NTM: variants seen among roughly 807,000 people sequenced by gnomAD.
NTM encodes neurotrimin.
Under a neutral mutation model 42.1 loss-of-function variants are expected in NTM, and 13 were observed. The ratio of observed to expected loss-of-function variants is 0.31; its 90% CI spans 0.20 to 0.49. The LOEUF is 0.49. Ranked by LOEUF, NTM falls within the 20% of genes least tolerant of loss-of-function variation. The pLI, the probability that NTM is intolerant of heterozygous loss-of-function variation, is 0.99. For missense variants in NTM, 373 were observed against 452.8 expected, an observed-to-expected ratio of 0.82 and a Z score of 1.60; for synonymous variants, 187 against 179.2, an observed-to-expected ratio of 1.04 and a Z score of -0.35.
chr11:131,784,268 C>T (rs2088721451), intron 1 of NTM, among the ~76,000 whole-genome samples: 2 of 152,046 alleles, frequency 1.3e-5, no homozygotes, highest in Non-Finnish European at 2.9e-5. Flanking sequence ...TAACATATGA[C>T]CTAGTAATCT....
chr11:131,561,887 G>A (rs568293923), intron 1 of NTM, among the ~76,000 whole-genome samples: 1 of 152,256 alleles, frequency 6.6e-6, no homozygotes, highest in Admixed American at 6.5e-5. Context: ...TTGGAAGATT[G>A]ATAACATGTC....
chr11:131,981,325 A>G (rs1456049550), intron 2 of NTM: 1 of 152,114 alleles, frequency 6.6e-6, no homozygotes, highest in African/African-American at 2.4e-5. Flanking sequence ...TTTTCCACCT[A>G]AGAGCTCCAA....
At chr11:132,153,270 T>G (rs988090451) in intron 3 of NTM, among the ~76,000 whole-genome samples, 1 of 152,210 alleles carries the variant, frequency 6.6e-6, no homozygotes, top group African/African-American at 2.4e-5. Context: ...GTCATTTATT[T>G]TGGGGAAAGG....
intron 1 of NTM, among the ~76,000 whole-genome samples, chr11:131,511,970 C>T (rs2048309716): frequency 6.6e-6 from 1 of 152,194 alleles, no homozygotes; most frequent in Non-Finnish European, 1.5e-5. Flanking sequence ...AATTTCCAGC[C>T]ATAGTGAAGC....
intron 3 of NTM, among the ~76,000 whole-genome samples, chr11:132,199,588 CTGAG>C (rs1420070065): frequency 6.6e-6 from 1 of 152,118 alleles, no homozygotes; most frequent in Non-Finnish European, 1.5e-5. Flanking sequence ...AAATTCCTTC[CTGAG>C]TGATACCGGG....
chr11:131,734,746 A>G (rs1231857872), intron 1 of NTM, among the ~76,000 whole-genome samples: 4 of 152,208 alleles, frequency 2.6e-5, no homozygotes, highest in Non-Finnish European at 5.9e-5. Context: ...TTAATAAACT[A>G]AATAACTATA....
intron 1 of NTM, among the ~76,000 whole-genome samples, chr11:131,747,119 T>G (rs2135649320): frequency 6.6e-6 from 1 of 152,324 alleles, no homozygotes; most frequent in Admixed American, 6.5e-5. Flanking sequence ...AGCAATTTAT[T>G]TTTTATACTA....
intron 1 of NTM, among the ~76,000 whole-genome samples, chr11:131,704,229 G>A (rs1030988578): frequency 6.6e-6 from 1 of 152,182 alleles, no homozygotes; most frequent in Non-Finnish European, 1.5e-5. Context: ...CCAGTGCCAG[G>A]CCAGCTCCTG....
At chr11:132,040,080 T>C (rs1345646909) in intron 2 of NTM, among the ~76,000 whole-genome samples, 1 of 146,706 alleles carries the variant, frequency 6.8e-6, no homozygotes. Context: ...AGATGCATGC[T>C]ACCACGTCCA....
At chr11:131,698,645 G>A (rs184035118) in intron 1 of NTM, among the ~76,000 whole-genome samples, 3 of 152,288 alleles carry the variant, frequency 2.0e-5, no homozygotes, top group African/African-American at 2.4e-5. Flanking sequence ...GGAGGAGAAG[G>A]ATAAGGAGTT....
chr11:131,784,823 C>T (rs1322266959), intron 1 of NTM, among the ~76,000 whole-genome samples: 1 of 152,106 alleles, frequency 6.6e-6, no homozygotes, highest in Non-Finnish European at 1.5e-5. Context: ...ATCTTTTTAG[C>T]TTTTTCCATA....
chr11:131,562,709 T>C (rs964786365), intron 1 of NTM, among the ~76,000 whole-genome samples: 25 of 152,218 alleles, frequency 1.6e-4, no homozygotes, highest in Non-Finnish European at 1.2e-4. Flanking sequence ...AGAGGTTAGA[T>C]ATGCATAAGT....
At position 131,768,279 on chromosome 11, in the gene NTM, C is replaced by T. The variant is rs190659240; in HGVS notation, c.83-143285C>T. Among the ~76,000 whole-genome samples the T allele has an allele frequency of 3.9e-5, 6 of 152,034 alleles. No individual in the cohort carries two copies. In the East Asian group the frequency reaches 7.8e-4, roughly 20 times the overall value. On this transcript the variant is annotated intron_variant, in intron 1 of 8. Transcript: ENST00000683400. The stretch of plus-strand genomic sequence containing the variant: ...GATTATAGGCATGCGCCACCATGCC[C>T]GGCTAATTTTGTATTTTTAGTACAG...
intron 4 of NTM, among the ~76,000 whole-genome samples, chr11:132,271,507 T>A (rs904369812): frequency 3.3e-5 from 5 of 152,182 alleles, no homozygotes; most frequent in Admixed American, 3.3e-4. Context: ...TTGTACATTC[T>A]CACTTTAGCA....
At position 132,163,622 on chromosome 11, in the gene NTM, TGACTC is replaced by T. The variant is rs545602750; in HGVS notation, c.400+17109_400+17113del. 1.2e-3 allele frequency among the ~76,000 whole-genome samples: 177 copies of T among 152,350 alleles called. 1 individual carries two copies. Among genetic ancestry groups the T allele is most frequent in the Non-Finnish European group, 1.9e-3 (127 of 68,038 alleles). Reference sequence around the variant, plus strand: ...AGCCAGAGTTTGAATTCAGAAAGTCTGACTCTTCACAGCCTCCCTCAAACACTAAG... The same window carrying T: ...AGCCAGAGTTTGAATTCAGAAAGTCTTTCACAGCCTCCCTCAAACACTAAG... On this transcript the variant is annotated intron_variant, in intron 3 of 8. Coordinates refer to ENST00000683400, the MANE Select transcript of NTM (RefSeq NM_001352005.2).
chr11:132,146,267 T>C lies in NTM; in HGVS notation c.168-15T>C. On this transcript the variant is annotated splice_polypyrimidine_tract_variant and intron_variant, in intron 2 of 8. Coordinates refer to ENST00000683400, the MANE Select transcript of NTM (RefSeq NM_001352005.2). This position sits in a 1 kb window ranked among gnomAD's most constrained non-coding sequence, Gnocchi z 4.5. ...CTCTCAGTCCCTTGACGTACCTGTC[T>C]GGTCTTCCCTTCAGGTGCACTATTG... 1.2e-6 allele frequency: 2 copies of C among 1,614,022 alleles called. No homozygotes were observed. The highest frequency in any genetic ancestry group is 1.1e-5 in the South Asian group (1 of 91,056).
intron 1 of NTM, among the ~76,000 whole-genome samples, chr11:131,417,390 T>C (rs1487389910): frequency 6.6e-6 from 1 of 152,178 alleles, no homozygotes; most frequent in East Asian, 1.9e-4. Context: ...AAGAATTGTA[T>C]TTTGTTAGAT....
chr11:131,568,950 G>A (rs1333809642), intron 1 of NTM, among the ~76,000 whole-genome samples: 1 of 152,034 alleles, frequency 6.6e-6, no homozygotes, highest in Non-Finnish European at 1.5e-5. Flanking sequence ...TCACCTGTTT[G>A]AAGTATCCAC....
At chr11:131,795,427 T>A (rs992227763) in intron 1 of NTM, 2 of 985,234 alleles carry the variant, frequency 2.0e-6, no homozygotes, top group African/African-American at 1.7e-5. Context: ...TTAAATACAC[T>A]ATTGGTATAA....
Sources: allele counts gnomAD v4.1 joint callset (sites outside exome capture counted in the v4.1 genomes callset), GRCh38; gene constraint gnomAD v4.1.1; non-coding constraint Gnocchi (gnomAD v3.1); transcripts MANE v1.5; gene names NCBI Gene and HGNC (gene_info 2026-07-23, HGNC 2026-07-21).